MYL9: variants seen among roughly 807,000 people sequenced by gnomAD.
MYL9 encodes myosin light chain 9.
In MYL9, 7 loss-of-function variants were observed where a neutral mutation model predicts 12.8. The ratio of observed to expected loss-of-function variants is 0.55; its 90% CI spans 0.31 to 1.03. The LOEUF (loss-of-function observed/expected upper bound fraction) is 1.03, where lower values mean the gene tolerates loss of function less well. Among genes scored for constraint, MYL9 ranks in the 50% least tolerant of loss-of-function variants. The pLI is 0.05. For missense variants in MYL9, 190 were observed against 242.7 expected, an observed-to-expected ratio of 0.78 and a Z score of 1.44; for synonymous variants, 81 against 87.8, an observed-to-expected ratio of 0.92 and a Z score of 0.43.
Position 36,548,100 on chromosome 20 carries a change from A to G in MYL9, c.253A>G (p.Met85Val). Residue 85 changes from methionine (M) to valine (V), a missense_variant, in exon 3 of 4, where the codon ATG (methionine) becomes GTG (valine). By Grantham distance (21) the Met-to-Val change is conservative. Coordinates refer to ENST00000279022, the MANE Select transcript of MYL9 (RefSeq NM_006097.5). The stretch of plus-strand genomic sequence containing the variant: ...GGCCCCGGGGCCCATCAACTTCACC[A>G]TGTTCCTCACCATGTTTGGGGAGAA... ...SEAPGPINFT[M>V]FLTMFGEKLN... 4 of 1,613,914 alleles carry G rather than the reference A, an allele frequency of 2.5e-6. No homozygotes were observed. Among genetic ancestry groups the G allele is most frequent in the Non-Finnish European group, 3.4e-6 (4 of 1,179,892 alleles).
At chr20:36,546,353 G>A (rs866750253) in intron 2 of MYL9, among the ~76,000 whole-genome samples, 10 of 152,292 alleles carry the variant, frequency 6.6e-5, no homozygotes, top group Middle Eastern at 6.8e-3. Flanking sequence ...ACACAGCCCC[G>A]TGACAGTCAA....
chr20:36,545,052 C>T lies in MYL9; in HGVS notation c.168C>T (p.Asp56=), dbSNP rs2147895731. The change falls in exon 2 of 4, where the codon GAC becomes GAT. Residue 56 remains aspartate, a synonymous_variant. Coordinates refer to ENST00000279022, the MANE Select transcript of MYL9 (RefSeq NM_006097.5). The part of the protein sequence containing the change: ...DGFIDKEDLH[D]MLASLGKNPT... ...TCATTGACAAGGAGGACCTGCACGA[C>T]ATGCTGGCCTCGCTGGGTGAGCTGG... 6.2e-7 allele frequency: 1 copy of T among 1,614,104 alleles called. No homozygotes were observed. Among genetic ancestry groups the T allele is most frequent in the Non-Finnish European group, 8.5e-7 (1 of 1,179,950 alleles).
At chr20:36,546,130 T>G (rs1264081742) in intron 2 of MYL9, among the ~76,000 whole-genome samples, 1 of 151,942 alleles carries the variant, frequency 6.6e-6, no homozygotes, top group Non-Finnish European at 1.5e-5. Context: ...GGTACAAAAA[T>G]CAAGTCCAAT....
chr20:36,542,757 C>T (rs2038052116), intron 1 of MYL9, among the ~76,000 whole-genome samples: 1 of 152,164 alleles, frequency 6.6e-6, no homozygotes, highest in Non-Finnish European at 1.5e-5. Flanking sequence ...TTCCTAGCTG[C>T]ACCATGGGGG....
At chr20:36,542,532 A>G (rs769562292) in intron 1 of MYL9, among the ~76,000 whole-genome samples, 5 of 151,992 alleles carry the variant, frequency 3.3e-5, no homozygotes, top group Non-Finnish European at 7.4e-5. Flanking sequence ...TCGCCCCTCC[A>G]CCAGTTCTAG....
At chr20:36,547,918 C>A in intron 2 of MYL9, 114 bp from the exon 3 acceptor site, 1 of 1,280,000 alleles carries the variant, frequency 7.8e-7, no homozygotes, top group Non-Finnish European at 1.0e-6. Flanking sequence ...AAACCCACTA[C>A]CTCCCGTCTC....
At chr20:36,546,174 G>C (rs903031807) in intron 2 of MYL9, among the ~76,000 whole-genome samples, 3 of 152,204 alleles carry the variant, frequency 2.0e-5, no homozygotes, top group Non-Finnish European at 4.4e-5. Flanking sequence ...CAGGCCCAGA[G>C]GCAAGGCCTC....
chr20:36,547,714 G>A (rs555721059), intron 2 of MYL9, among the ~76,000 whole-genome samples: 1 of 152,346 alleles, frequency 6.6e-6, no homozygotes, highest in Non-Finnish European at 1.5e-5. Flanking sequence ...TCACAGGGTG[G>A]TGAAAGTTAA....
intron 1 of MYL9, 31 bp from the exon 2 acceptor site, chr20:36,544,828 A>C (rs1047850591): frequency 1.3e-6 from 2 of 1,549,050 alleles, no homozygotes; most frequent in Non-Finnish European, 1.8e-6. Flanking sequence ...CCAGAGTCAC[A>C]GGGCCACCCA....
chr20:36,547,473 G>C (rs1201649965), intron 2 of MYL9, among the ~76,000 whole-genome samples: 1 of 152,204 alleles, frequency 6.6e-6, no homozygotes, highest in Non-Finnish European at 1.5e-5. Flanking sequence ...TGCAACTACT[G>C]TCTTCACAAT....
intron 1 of MYL9, among the ~76,000 whole-genome samples, chr20:36,543,868 C>T (rs2038064396): frequency 6.6e-6 from 1 of 152,100 alleles, no homozygotes; most frequent in Non-Finnish European, 1.5e-5. Context: ...AGAGGAAAGC[C>T]TGGGAGTGTC....
At chr20:36,545,877 G>A (rs529814627) in intron 2 of MYL9, among the ~76,000 whole-genome samples, 52 of 150,414 alleles carry the variant, frequency 3.5e-4, no homozygotes, top group Admixed American at 1.8e-3. Context: ...CCAAGATCAC[G>A]CCACTGCACT....
rs1041808626 is a variant in MYL9, at chr20:36,550,715, G to A, written c.*1466G>A. On this transcript the variant is annotated 3_prime_UTR_variant, in exon 4 of 4. Transcript: ENST00000279022. ...GCCTCAACGCCAGGCCCTGCTCAGA[G>A]CTCGGCTGAAACTCCTCATCCTGGC... 1.3e-5 allele frequency: 2 copies of A among 152,274 alleles called. No homozygotes were observed. The highest frequency in any genetic ancestry group is 2.9e-5 in the Non-Finnish European group (2 of 68,132). 9.4% of individuals were successfully genotyped at this position (152,274 alleles called of 1,614,324 possible). A position where few individuals can be genotyped will look rare whatever the true frequency, so the allele number is the denominator to read the frequency against.
intron 1 of MYL9, among the ~76,000 whole-genome samples, chr20:36,543,041 G>A (rs987839767): frequency 6.6e-6 from 1 of 152,218 alleles, no homozygotes; most frequent in African/African-American, 2.4e-5. Flanking sequence ...GCCTTCTGTG[G>A]GCACCAGGAG....
chr20:36,549,142 G>A lies in MYL9; in HGVS notation c.412G>A (p.Glu138Lys). 1.2e-6 allele frequency: 2 copies of A among 1,613,896 alleles called. No individual in the cohort carries two copies. The highest frequency in any genetic ancestry group is 1.7e-6 in the Non-Finnish European group (2 of 1,180,002). Residue 138 changes from glutamate (E) to lysine (K), a missense_variant, in exon 4 of 4, where the codon GAA becomes AAA. Glu to Lys is a moderately conservative substitution (Grantham distance 56). Transcript: ENST00000279022. ...CATGGGTGACCGCTTCACAGATGAG[G>A]AAGTGGACGAGATGTACCGGGAGGC... ...TTMGDRFTDE[E>K]VDEMYREAPI...
chr20:36,547,581 G>A (rs1406219857), intron 2 of MYL9, among the ~76,000 whole-genome samples: 1 of 152,204 alleles, frequency 6.6e-6, no homozygotes, highest in Non-Finnish European at 1.5e-5. Context: ...GAGTTAGGCT[G>A]CCTGGGTTCA....
chr20:36,543,015 T>C (rs927706871), intron 1 of MYL9, among the ~76,000 whole-genome samples: 1 of 152,164 alleles, frequency 6.6e-6, no homozygotes, highest in African/African-American at 2.4e-5. Context: ...CACAGTGCAC[T>C]GCCTCTCTGC....
At chr20:36,541,980 G>C (rs1487372705) in intron 1 of MYL9, among the ~76,000 whole-genome samples, 20 of 152,074 alleles carry the variant, frequency 1.3e-4, no homozygotes, top group Non-Finnish European at 2.4e-4. Flanking sequence ...GTCACAGATG[G>C]AGAAACAGCC....
intron 1 of MYL9, among the ~76,000 whole-genome samples, chr20:36,542,371 T>C (rs2038047382): frequency 6.6e-6 from 1 of 152,056 alleles, no homozygotes; most frequent in Non-Finnish European, 1.5e-5. Flanking sequence ...AGCCCAGCCT[T>C]TTCTGTTATG....
Sources: allele counts gnomAD v4.1 joint callset (sites outside exome capture counted in the v4.1 genomes callset), GRCh38; gene constraint gnomAD v4.1.1; transcripts MANE v1.5; gene names NCBI Gene and HGNC (gene_info 2026-07-23, HGNC 2026-07-21).